Variants in DPF3 observed in about 807,000 individuals in gnomAD.
The protein encoded by DPF3 is zinc finger protein DPF3.
DPF3 carries 18 observed loss-of-function variants against 56.8 expected under a neutral mutation model. The ratio of observed to expected loss-of-function variants is 0.32; its 90% CI spans 0.22 to 0.47. The LOEUF (loss-of-function observed/expected upper bound fraction) is 0.47. Ranked by LOEUF, DPF3 falls within the 20% of genes least tolerant of loss-of-function variation. DPF3 has a pLI of 1.00. For synonymous variants in DPF3, 188 were observed against 180.2 expected, an observed-to-expected ratio of 1.04 and a Z score of -0.35; for missense variants, 403 against 488.8, an observed-to-expected ratio of 0.82 and a Z score of 1.65.
At chr14:72,809,739 A>G (rs535405094) in intron 1 of DPF3, among the ~76,000 whole-genome samples, 1 of 152,264 alleles carries the variant, frequency 6.6e-6, no homozygotes, top group Non-Finnish European at 1.5e-5. Flanking sequence ...ATAGATCAGG[A>G]GGAGACCCAA....
chr14:72,817,198 C>T (rs1599467759), intron 1 of DPF3, among the ~76,000 whole-genome samples: 2 of 152,192 alleles, frequency 1.3e-5, no homozygotes, highest in Admixed American at 1.3e-4. Flanking sequence ...CCCAGGTAAG[C>T]CTAAATGGCC....
intron 2 of DPF3, among the ~76,000 whole-genome samples, chr14:72,755,507 T>A (rs1210948112): frequency 6.6e-6 from 1 of 152,204 alleles, no homozygotes; most frequent in Non-Finnish European, 1.5e-5. Flanking sequence ...TTTCTGAGCC[T>A]ATTGCCTCAC....
rs1198958414 is a variant in DPF3, at chr14:72,888,830, C to A, written c.32+5227G>T. ...TGACTTTCAAAACACTCAAAAACCACAAAAGTTACTTTGCAGAGGTTGGGA... is the reference window on the plus strand; with the variant it reads ...TGACTTTCAAAACACTCAAAAACCAAAAAAGTTACTTTGCAGAGGTTGGGA... On this transcript the variant is annotated intron_variant, in intron 1 of 10. Coordinates refer to ENST00000556509, the MANE Select transcript of DPF3 (RefSeq NM_001280542.3). 2.0e-5 allele frequency among the ~76,000 whole-genome samples: 3 copies of A among 152,262 alleles called. No homozygotes were observed. In the South Asian group the frequency reaches 6.2e-4, roughly 32 times the overall value.
chr14:72,841,903 T>C (rs1884556842), intron 1 of DPF3, among the ~76,000 whole-genome samples: 1 of 152,048 alleles, frequency 6.6e-6, no homozygotes. Flanking sequence ...GAAAATATCA[T>C]GAGACTCCTC....
chr14:72,759,722 C>T (rs933192230), intron 2 of DPF3, among the ~76,000 whole-genome samples: 1 of 151,996 alleles, frequency 6.6e-6, no homozygotes, highest in African/African-American at 2.4e-5. Context: ...AAAACTACAG[C>T]AAAGTATGTC....
chr14:72,767,608 T>A (rs1337127078), intron 2 of DPF3, among the ~76,000 whole-genome samples: 1 of 151,564 alleles, frequency 6.6e-6, no homozygotes, highest in Non-Finnish European at 1.5e-5. Flanking sequence ...AGAGAAGAAT[T>A]TTAAAAATAA....
At chr14:72,664,876 G>A (rs1271526835) in intron 8 of DPF3, among the ~76,000 whole-genome samples, 2 of 152,210 alleles carry the variant, frequency 1.3e-5, no homozygotes, top group Non-Finnish European at 2.9e-5. Context: ...CCATCTGTTT[G>A]AGAAGGACTA....
intron 1 of DPF3, among the ~76,000 whole-genome samples, chr14:72,789,582 C>G (rs1244735773): frequency 6.6e-6 from 1 of 152,190 alleles, no homozygotes; most frequent in Non-Finnish European, 1.5e-5. Flanking sequence ...CTCTGTCACT[C>G]AGGAGTGCAG....
intron 1 of DPF3, among the ~76,000 whole-genome samples, chr14:72,875,021 T>TA (rs764661659): frequency 6.8e-4 from 103 of 152,208 alleles, no homozygotes; most frequent in Non-Finnish European, 1.1e-3. Flanking sequence ...ACACTTCTTA[T>TA]ATGGCAGCAG....
chr14:72,815,142 C>T (rs1883229272), intron 1 of DPF3, among the ~76,000 whole-genome samples: 1 of 151,856 alleles, frequency 6.6e-6, no homozygotes, highest in African/African-American at 2.4e-5. Context: ...AATAAGAAGA[C>T]AAATGACTCC....
intron 1 of DPF3, among the ~76,000 whole-genome samples, chr14:72,846,999 T>A (rs556217261): frequency 6.6e-6 from 1 of 152,292 alleles, no homozygotes; most frequent in East Asian, 1.9e-4. Flanking sequence ...CATTAACATG[T>A]TTATCTTCAT....
chr14:72,802,883 C>T (rs1441597434), intron 1 of DPF3, among the ~76,000 whole-genome samples: 4 of 152,150 alleles, frequency 2.6e-5, no homozygotes, highest in Non-Finnish European at 5.9e-5. Context: ...ACATGGGCAG[C>T]TATCACGCCA....
At chr14:72,680,443 CG>C (rs1887112881) in intron 7 of DPF3, among the ~76,000 whole-genome samples, 1 of 152,232 alleles carries the variant, frequency 6.6e-6, no homozygotes, top group African/African-American at 2.4e-5. Context: ...GGAAGCCTGG[CG>C]GGGAAGCAGA....
In DPF3 at chr14:72,867,372, C is replaced by A. The variant is rs932445915; in HGVS notation, c.32+26685G>T. On this transcript the variant is annotated intron_variant, in intron 1 of 10. Transcript: ENST00000556509. The stretch of plus-strand genomic sequence containing the variant: ...CAGGCCATCCAGGCCTCTGGTGTCA[C>A]GTCTAGATAGTGAGGAAGAACCCCC... 3.3e-5 allele frequency among the ~76,000 whole-genome samples: 5 copies of A among 152,198 alleles called. No homozygotes were observed. In the East Asian group the frequency reaches 9.7e-4, roughly 29 times the overall value.
chr14:72,698,085 G>A (rs1206661990), intron 6 of DPF3, among the ~76,000 whole-genome samples: 1 of 152,166 alleles, frequency 6.6e-6, no homozygotes, highest in East Asian at 1.9e-4. Flanking sequence ...CAGTTCAAAT[G>A]TCCTCCCCCA....
intron 6 of DPF3, among the ~76,000 whole-genome samples, chr14:72,702,021 A>C (rs915600484): frequency 6.6e-6 from 1 of 152,222 alleles, no homozygotes; most frequent in African/African-American, 2.4e-5. Context: ...TCAGGAGGCA[A>C]GGATCCCCAT....
At position 72,836,960 on chromosome 14, in the gene DPF3, C is replaced by A. The variant is rs191628260; in HGVS notation, c.32+57097G>T. 6.8e-4 allele frequency among the ~76,000 whole-genome samples: 104 copies of A among 152,234 alleles called. 1 individual carries two copies. In the East Asian group the frequency reaches 0.019, roughly 27 times the overall value. ...TCTCAGCTCACTGCAACCTCCACCT[C>A]CCAGGTTCAAGCAATTCTCCTGCCT... On this transcript the variant is annotated intron_variant, in intron 1 of 10. Transcript: ENST00000556509.
chr14:72,733,851 G>A (rs1049081973), intron 3 of DPF3, among the ~76,000 whole-genome samples: 4 of 152,284 alleles, frequency 2.6e-5, no homozygotes, highest in South Asian at 2.1e-4. Context: ...AGCGGCAAGC[G>A]GGCATCCATT....
chr14:72,705,380 C>G (rs1387096194), intron 6 of DPF3, among the ~76,000 whole-genome samples: 4 of 151,934 alleles, frequency 2.6e-5, no homozygotes, highest in African/African-American at 9.7e-5. Context: ...GCTCAGAGCT[C>G]CCACTGACTC....
Sources: gnomAD v4.1 joint callset for allele counts (sites outside exome capture counted in the v4.1 genomes callset) on GRCh38, gnomAD v4.1.1 for gene constraint, MANE v1.5 for transcripts, NCBI Gene and HGNC (gene_info 2026-07-23, HGNC 2026-07-21) for gene names.